Variants in SGK3 observed in about 807,000 individuals in gnomAD.
SGK3 encodes serine/threonine-protein kinase Sgk3.
In SGK3, 47 loss-of-function variants were observed where a neutral mutation model predicts 68.5. The ratio of observed to expected loss-of-function variants is 0.69; its 90% CI spans 0.54 to 0.87. The LOEUF (loss-of-function observed/expected upper bound fraction) is 0.87, where lower values mean the gene tolerates loss of function less well. Ranked by LOEUF, SGK3 falls within the 40% of genes least tolerant of loss-of-function variation. The pLI is 0.00. For missense variants in SGK3, 479 were observed against 575.5 expected, an observed-to-expected ratio of 0.83 and a Z score of 1.72; for synonymous variants, 181 against 189.1, an observed-to-expected ratio of 0.96 and a Z score of 0.35.
chr8:66,804,041 G>A (rs1222055889), intron 3 of SGK3, among the ~76,000 whole-genome samples: 1 of 152,120 alleles, frequency 6.6e-6, no homozygotes, highest in East Asian at 1.9e-4. Flanking sequence ...TCTAGCCTTA[G>A]CACTTGCCAT....
intron 1 of SGK3, among the ~76,000 whole-genome samples, chr8:66,756,312 A>G (rs1805970584): frequency 6.6e-6 from 1 of 152,100 alleles, no homozygotes; most frequent in Admixed American, 6.6e-5. Context: ...GTACTTGTTT[A>G]TGACAGTCCA....
At chr8:66,826,419 G>A (rs181915161) in intron 6 of SGK3, among the ~76,000 whole-genome samples, 10 of 146,524 alleles carry the variant, frequency 6.8e-5, no homozygotes, top group African/African-American at 1.4e-4. Flanking sequence ...TTTTTCTTCC[G>A]TTTTTATTAT....
At chr8:66,842,811 G>A (rs756076174) in intron 13 of SGK3, among the ~76,000 whole-genome samples, 34 of 152,312 alleles carry the variant, frequency 2.2e-4, no homozygotes, top group Middle Eastern at 3.4e-3. Context: ...GCTCATGCCA[G>A]TAATCCCAGC....
At chr8:66,822,325 T>G in intron 5 of SGK3, 47 bp from the exon 6 acceptor site, 1 of 1,544,290 alleles carries the variant, frequency 6.5e-7, no homozygotes. Context: ...GGAGAAAGGC[T>G]GTAGAAATGC....
chr8:66,782,843 G>A (rs1445538623), intron 1 of SGK3, among the ~76,000 whole-genome samples: 1 of 152,146 alleles, frequency 6.6e-6, no homozygotes, highest in Non-Finnish European at 1.5e-5. Flanking sequence ...GTATTTCATT[G>A]TCTGGATGTA....
intron 6 of SGK3, among the ~76,000 whole-genome samples, chr8:66,824,110 C>T (rs1343619949): frequency 1.3e-5 from 2 of 151,936 alleles, no homozygotes; most frequent in African/African-American, 4.8e-5. Context: ...TTTCCTTCTC[C>T]AATACCCCAA....
At chr8:66,810,275 G>GAA (rs549049097) in intron 4 of SGK3, among the ~76,000 whole-genome samples, 1 of 127,746 alleles carries the variant, frequency 7.8e-6, no homozygotes. Flanking sequence ...AAATATTCCA[G>GAA]AAAAAAAAAA....
At chr8:66,733,289 T>C (rs1805221678) in intron 1 of SGK3, among the ~76,000 whole-genome samples, 1 of 152,190 alleles carries the variant, frequency 6.6e-6, no homozygotes, top group South Asian at 2.1e-4. Flanking sequence ...TTTCTACTTC[T>C]GGGAGGGAAA....
At chr8:66,806,470 CTT>C (rs761266407) in intron 4 of SGK3, among the ~76,000 whole-genome samples, 3 of 152,128 alleles carry the variant, frequency 2.0e-5, no homozygotes, top group Non-Finnish European at 2.9e-5. Context: ...AGACCTGTGG[CTT>C]TTGTACTCCT....
chr8:66,850,779 T>C, intron 15 of SGK3, 52 bp from the exon 16 acceptor site: 1 of 1,520,792 alleles, frequency 6.6e-7, no homozygotes, highest in Non-Finnish European at 8.9e-7. Flanking sequence ...ATGCAGTTAG[T>C]ACTTAATATA....
At chr8:66,839,540 TA>T (rs1809701548) in intron 10 of SGK3, among the ~76,000 whole-genome samples, 2 of 83,480 alleles carry the variant, frequency 2.4e-5, no homozygotes, top group African/African-American at 5.1e-5. Flanking sequence ...TATATATATA[TA>T]TATATATATA....
At chr8:66,798,492 G>A in intron 2 of SGK3, 50 bp from the exon 3 acceptor site, 1 of 1,519,158 alleles carries the variant, frequency 6.6e-7, no homozygotes, top group Non-Finnish European at 8.9e-7. Flanking sequence ...TAGCTAATGG[G>A]TTTTTTGCAA....
At chr8:66,795,284 T>G (rs1275310065) in intron 2 of SGK3, among the ~76,000 whole-genome samples, 1 of 152,214 alleles carries the variant, frequency 6.6e-6, no homozygotes, top group East Asian at 1.9e-4. Flanking sequence ...CTGCCACACT[T>G]GGTACCACAT....
intron 1 of SGK3, among the ~76,000 whole-genome samples, chr8:66,721,236 T>C (rs1022524044): frequency 2.6e-5 from 4 of 152,178 alleles, no homozygotes; most frequent in Non-Finnish European, 5.9e-5. Flanking sequence ...TCCATCCCCT[T>C]TTCTTCCCCC....
Position 66,835,726 on chromosome 8 carries a change from A to C in SGK3, c.526-37A>C, listed in dbSNP as rs779295277. On this transcript the variant is annotated intron_variant, in intron 8 of 16. Transcript: ENST00000521198. ...TGAATTATTTCTATCAAAATTTGAAATTTCTAATAGTATACACTAATGTTT... is the reference window on the plus strand; with the variant it reads ...TGAATTATTTCTATCAAAATTTGAACTTTCTAATAGTATACACTAATGTTT... 1.6e-5 allele frequency: 25 copies of C among 1,573,676 alleles called. 2 individuals carry two copies. The highest frequency in any genetic ancestry group is 1.3e-4 in the East Asian group (6 of 44,586).
intron 1 of SGK3, among the ~76,000 whole-genome samples, chr8:66,721,221 C>T (rs1323905145): frequency 1.3e-5 from 2 of 152,196 alleles, no homozygotes; most frequent in East Asian, 1.9e-4. Flanking sequence ...GCTGACATCT[C>T]TCCATCCATC....
At chr8:66,817,448 C>A (rs1158174174) in intron 5 of SGK3, among the ~76,000 whole-genome samples, 1 of 150,990 alleles carries the variant, frequency 6.6e-6, no homozygotes, top group Non-Finnish European at 1.5e-5. Flanking sequence ...AACAAAAAAA[C>A]AAACGGAGTT....
intron 1 of SGK3, among the ~76,000 whole-genome samples, chr8:66,747,074 G>T (rs1211195783): frequency 1.3e-5 from 2 of 151,464 alleles, no homozygotes; most frequent in Non-Finnish European, 2.9e-5. Flanking sequence ...AAAAAAAAGG[G>T]TTTTTTTTCC....
chr8:66,718,016 C>T (rs1586665131), intron 1 of SGK3, among the ~76,000 whole-genome samples: 1 of 144,530 alleles, frequency 6.9e-6, no homozygotes, highest in Non-Finnish European at 1.5e-5. Flanking sequence ...TAGTTATTTA[C>T]CTCCCTATTT....
Sources: gnomAD v4.1 joint callset for allele counts (sites outside exome capture counted in the v4.1 genomes callset) on GRCh38, gnomAD v4.1.1 for gene constraint, MANE v1.5 for transcripts, NCBI Gene and HGNC (gene_info 2026-07-23, HGNC 2026-07-21) for gene names.